TSPAN9: variants seen among roughly 807,000 people sequenced by gnomAD.
TSPAN9 encodes the protein tetraspanin-9.
A neutral mutation model predicts 31.0 loss-of-function variants in TSPAN9; 16 were observed. The ratio of observed to expected loss-of-function variants is 0.52; its 90% CI spans 0.35 to 0.78. TSPAN9 has a LOEUF of 0.78. Among genes scored for constraint, TSPAN9 ranks in the 30% least tolerant of loss-of-function variants. TSPAN9 has a pLI of 0.01. For synonymous variants in TSPAN9, 145 were observed against 121.6 expected, an observed-to-expected ratio of 1.19 and a Z score of -1.27; for missense variants, 272 against 312.5, an observed-to-expected ratio of 0.87 and a Z score of 0.98.
At position 3,147,260 on chromosome 12, in the gene TSPAN9, G is replaced by A. The variant is rs2098337713; in HGVS notation, c.-17-53917G>A. On this transcript the variant is annotated intron_variant, in intron 2 of 8. Coordinates refer to ENST00000011898, the MANE Select transcript of TSPAN9 (RefSeq NM_006675.5). The surrounding 1 kb of genome is among the most constrained non-coding windows in gnomAD (Gnocchi z 4.3). ...CTGGGCAGCAGGAGGCAGGGACCAC[G>A]GTCCCTGCCCTGGGATGAGGAGCCC... 6.6e-6 allele frequency among the ~76,000 whole-genome samples: 1 copy of A among 152,122 alleles called. No individual in the cohort carries two copies. The highest frequency in any genetic ancestry group is 2.1e-4 in the South Asian group (1 of 4,820).
chr12:3,259,301 C>T (rs1442438318), intron 3 of TSPAN9, among the ~76,000 whole-genome samples: 2 of 152,204 alleles, frequency 1.3e-5, no homozygotes, highest in South Asian at 4.1e-4. Flanking sequence ...ACTCAGTACC[C>T]TGCTACCACT....
At chr12:3,246,571 C>G (rs904115489) in intron 3 of TSPAN9, among the ~76,000 whole-genome samples, 2 of 152,184 alleles carry the variant, frequency 1.3e-5, no homozygotes, top group African/African-American at 4.8e-5. Flanking sequence ...GGATTCCGAG[C>G]CCATTCCTCC....
intron 2 of TSPAN9, chr12:3,149,927 C>G (rs2098339023): frequency 6.6e-6 from 1 of 152,272 alleles, no homozygotes; most frequent in Non-Finnish European, 1.5e-5. Context: ...GTGCTTTTCT[C>G]TGAAGTATGC....
chr12:3,177,164 G>A (rs1193975108), intron 2 of TSPAN9, among the ~76,000 whole-genome samples: 1 of 151,988 alleles, frequency 6.6e-6, no homozygotes, highest in African/African-American at 2.4e-5. Context: ...TTGAGATAGA[G>A]TCTCGCTCTG....
intron 2 of TSPAN9, among the ~76,000 whole-genome samples, chr12:3,087,041 G>A (rs188326459): frequency 4.9e-4 from 75 of 152,348 alleles, no homozygotes; most frequent in Admixed American, 2.0e-3. Flanking sequence ...AGGGAAGTGA[G>A]CTGGGGTGGG....
intron 2 of TSPAN9, among the ~76,000 whole-genome samples, chr12:3,128,151 T>A (rs2098328195): frequency 6.6e-6 from 1 of 152,160 alleles, no homozygotes. Context: ...GATATTACAA[T>A]ATTGTTATTT....
chr12:3,190,345 G>A (rs951267257), intron 2 of TSPAN9, among the ~76,000 whole-genome samples: 2 of 152,232 alleles, frequency 1.3e-5, no homozygotes, highest in African/African-American at 2.4e-5. Context: ...TCACACTTCC[G>A]TGTGCCCGGC....
rs557157530 is a variant in TSPAN9 at position 3,179,430 on chromosome 12, G to C, written c.-17-21747G>C. On this transcript the variant is annotated intron_variant, in intron 2 of 8. Transcript: ENST00000011898. ...GCCCATTCCTCTCATTCTGCCCTAA[G>C]TGAAACAAGAGAGGAAGCCACTGTC... Among the ~76,000 whole-genome samples the C allele has an allele frequency of 6.6e-5, 10 of 152,258 alleles. No individual in the cohort carries two copies. The South Asian group carries it at 2.1e-3, about 32-fold the overall frequency.
intron 2 of TSPAN9, among the ~76,000 whole-genome samples, chr12:3,138,194 C>T (rs1175321496): frequency 6.6e-6 from 1 of 152,192 alleles, no homozygotes; most frequent in African/African-American, 2.4e-5. Context: ...TGGGCTGGCC[C>T]CTCTGCCTGG....
intron 2 of TSPAN9, among the ~76,000 whole-genome samples, chr12:3,089,451 C>G (rs996025013): frequency 6.6e-6 from 1 of 151,310 alleles, no homozygotes; most frequent in African/African-American, 2.4e-5. Flanking sequence ...CATGTGCCAC[C>G]ACGCCTGGCT....
intron 2 of TSPAN9, among the ~76,000 whole-genome samples, chr12:3,099,019 C>G (rs1314274401): frequency 6.6e-6 from 1 of 152,182 alleles, no homozygotes; most frequent in African/African-American, 2.4e-5. Flanking sequence ...CTCCAAAGTG[C>G]TGGGTTTACA....
At chr12:3,227,896 T>C (rs1265123892) in intron 3 of TSPAN9, among the ~76,000 whole-genome samples, 3 of 152,190 alleles carry the variant, frequency 2.0e-5, no homozygotes, top group Non-Finnish European at 4.4e-5. Flanking sequence ...GATCTAACGA[T>C]GACTGGTGTT....
chr12:3,204,334 G>A (rs1255232126), intron 3 of TSPAN9, among the ~76,000 whole-genome samples: 2 of 152,210 alleles, frequency 1.3e-5, no homozygotes, highest in African/African-American at 2.4e-5. Flanking sequence ...GTCGTACACT[G>A]CAACCCTTCA....
rs78721357 is a variant in TSPAN9, at chr12:3,190,624, C to T, written c.-17-10553C>T. Reference sequence around the variant, plus strand: ...GCCTGAGAGCCCAGAGTGGGTGACTCTTTGTCCAGGCAGACTATCAGCCCC... The same window carrying T: ...GCCTGAGAGCCCAGAGTGGGTGACTTTTTGTCCAGGCAGACTATCAGCCCC... On this transcript the variant is annotated intron_variant, in intron 2 of 8. Transcript: ENST00000011898. Among the ~76,000 whole-genome samples the T allele has an allele frequency of 4.2e-3, 642 of 152,326 alleles. 5 individuals carry two copies. Among genetic ancestry groups the T allele is most frequent in the African/African-American group, 0.015 (603 of 41,566 alleles).
chr12:3,246,650 C>T (rs987565158), intron 3 of TSPAN9, among the ~76,000 whole-genome samples: 1 of 152,232 alleles, frequency 6.6e-6, no homozygotes, highest in Non-Finnish European at 1.5e-5. Flanking sequence ...GCCTACATCC[C>T]TCCTGACCAT....
At chr12:3,175,783 C>T (rs778044558) in intron 2 of TSPAN9, among the ~76,000 whole-genome samples, 9 of 152,282 alleles carry the variant, frequency 5.9e-5, no homozygotes, top group Non-Finnish European at 1.0e-4. Flanking sequence ...GGACCGGCAT[C>T]GCACCACTGC....
chr12:3,212,215 C>T (rs1201157144), intron 3 of TSPAN9, among the ~76,000 whole-genome samples: 1 of 151,752 alleles, frequency 6.6e-6, no homozygotes, highest in African/African-American at 2.4e-5. Context: ...CGTGATCTGC[C>T]AGCCTCGGCC....
chr12:3,239,620 G>T (rs374731598), intron 3 of TSPAN9, among the ~76,000 whole-genome samples: 4 of 152,142 alleles, frequency 2.6e-5, no homozygotes, highest in Admixed American at 1.3e-4. Context: ...TCTCTTTGCC[G>T]GGTCTGCTGA....
chr12:3,211,647 T>C (rs1715937512), intron 3 of TSPAN9: 5 of 1,369,148 alleles, frequency 3.7e-6, no homozygotes, highest in Non-Finnish European at 3.1e-6. Context: ...CCCACTCATC[T>C]TGACTCAGAG....
Sources: gnomAD v4.1 joint callset for allele counts (sites outside exome capture counted in the v4.1 genomes callset) on GRCh38, gnomAD v4.1.1 for gene constraint, Gnocchi (gnomAD v3.1) non-coding constraint, MANE v1.5 for transcripts, NCBI Gene and HGNC (gene_info 2026-07-23, HGNC 2026-07-21) for gene names.